The following PARD3B variants were observed in gnomAD, a reference collection of about 807,000 sequenced individuals.
PARD3B encodes the protein par-3 family cell polarity regulator beta, also known as partitioning defective 3 homolog B.
PARD3B carries 103 observed loss-of-function variants against 130.2 expected under a neutral mutation model. That is an observed-to-expected ratio of 0.79 (90% CI 0.67 to 0.93). The LOEUF (loss-of-function observed/expected upper bound fraction) is 0.93, where lower values mean the gene tolerates loss of function less well. Ranked by LOEUF, PARD3B falls within the 40% of genes least tolerant of loss-of-function variation. The pLI is 0.00. For missense variants in PARD3B, 1,609 were observed against 1,499.2 expected (o/e 1.07, Z -1.21); for synonymous variants, 583 against 553.2 (o/e 1.05, Z -0.76).
chr2:205,314,933 C>T (rs1217716738), intron 18 of PARD3B, among the ~76,000 whole-genome samples: 1 of 152,182 alleles, frequency 6.6e-6, no homozygotes, highest in Non-Finnish European at 1.5e-5. Flanking sequence ...TTCCGTCAGT[C>T]AACAATCTTG....
chr2:204,789,872 C>CTTCTTT (rs1553523207), intron 2 of PARD3B, among the ~76,000 whole-genome samples: 1 of 139,410 alleles, frequency 7.2e-6, no homozygotes, highest in African/African-American at 2.6e-5. Flanking sequence ...TAGTTTTCTT[C>CTTCTTT]TTTTTTTTTT....
Position 204,861,924 on chromosome 2 carries a change from C to CAAAAAAA in PARD3B, c.223-103207_223-103201dup, listed in dbSNP as rs60473341. Among the ~76,000 whole-genome samples the CAAAAAAA allele has an allele frequency of 2.6e-3, 87 of 34,080 alleles. 2 individuals carry two copies. The highest frequency in any genetic ancestry group is 5.9e-3 in the African/African-American group (67 of 11,384). 22.4% of individuals were successfully genotyped at this position (34,080 alleles called of 152,430 possible). On this transcript the variant is annotated intron_variant, in intron 2 of 22. Coordinates refer to ENST00000406610, the MANE Select transcript of PARD3B (RefSeq NM_001302769.2). ...AAGACATTTAAAAGAAGACATTTCTCAAAAAAAAAAAAAAAAAAAAAAAAA... is the reference window on the plus strand; with the variant it reads ...AAGACATTTAAAAGAAGACATTTCTCAAAAAAAAAAAAAAAAAAAAAAAAAAAAAAAA...
chr2:205,099,542 A>G (rs943653583), intron 4 of PARD3B, among the ~76,000 whole-genome samples: 1 of 152,234 alleles, frequency 6.6e-6, no homozygotes, highest in Non-Finnish European at 1.5e-5. Flanking sequence ...TAGTGAAGGA[A>G]AAGCTTAAGT....
intron 20 of PARD3B, among the ~76,000 whole-genome samples, chr2:205,452,476 A>T (rs1228772858): frequency 1.3e-5 from 2 of 152,202 alleles, no homozygotes; most frequent in Non-Finnish European, 2.9e-5. Context: ...GATAAATGCC[A>T]TTTCCGTAGA....
At chr2:205,245,480 TC>T in intron 15 of PARD3B, among the ~76,000 whole-genome samples, 1 of 152,148 alleles carries the variant, frequency 6.6e-6, no homozygotes, top group East Asian at 1.9e-4. Context: ...ATTTGGTTTC[TC>T]CTCTTGTAAA....
At chr2:204,763,011 C>T (rs1283687016) in intron 2 of PARD3B, among the ~76,000 whole-genome samples, 6 of 152,146 alleles carry the variant, frequency 3.9e-5, no homozygotes, top group African/African-American at 1.2e-4. Flanking sequence ...CCGCCCACCT[C>T]GGCCTCCCAA....
At chr2:205,330,022 TAAATAAATAAATA>T (rs1393765380) in intron 18 of PARD3B, among the ~76,000 whole-genome samples, 145 of 2,922 alleles carry the variant, frequency 0.05, 1 homozygote, top group African/African-American at 0.12. Context: ...AATAAATAAA[TAAATAAATAAATA>T]AAATAAAATA....
At chr2:205,087,154 C>T (rs1386832420) in intron 4 of PARD3B, among the ~76,000 whole-genome samples, 1 of 152,158 alleles carries the variant, frequency 6.6e-6, no homozygotes, top group Non-Finnish European at 1.5e-5. Context: ...AGACAGGCGT[C>T]TGAACTTAAA....
At chr2:205,343,579 A>G (rs1294260912) in intron 18 of PARD3B, among the ~76,000 whole-genome samples, 1 of 152,210 alleles carries the variant, frequency 6.6e-6, no homozygotes, top group African/African-American at 2.4e-5. Context: ...TCCAATGGTA[A>G]CTTTAGGCAA....
intron 4 of PARD3B, among the ~76,000 whole-genome samples, chr2:205,072,115 C>T (rs773359278): frequency 7.9e-5 from 12 of 151,908 alleles, no homozygotes; most frequent in South Asian, 2.1e-4. Context: ...TATAGTTTGA[C>T]GATGGTATTC....
chr2:205,082,049 G>T (rs1321961188), intron 4 of PARD3B, among the ~76,000 whole-genome samples: 1 of 152,030 alleles, frequency 6.6e-6, no homozygotes. Flanking sequence ...TTCTTCATTT[G>T]CTATAGAGCC....
Position 205,265,963 on chromosome 2 carries a change from A to G in PARD3B, c.2185+20141A>G, listed in dbSNP as rs189078543. On this transcript the variant is annotated intron_variant, in intron 16 of 22. Transcript: ENST00000406610. The surrounding 1 kb of genome is among the most constrained non-coding windows in gnomAD (Gnocchi z 4.3). Reference sequence around the variant, plus strand: ...TTGATTTTTGTTAAAAGCAGCATGCACATCCTATAAGGCATCAGTCAGAAG... The same window carrying G: ...TTGATTTTTGTTAAAAGCAGCATGCGCATCCTATAAGGCATCAGTCAGAAG... Among the ~76,000 whole-genome samples, 1 of 152,248 alleles carries G rather than the reference A, an allele frequency of 6.6e-6. No homozygotes were observed. The highest frequency in any genetic ancestry group is 6.5e-5 in the Admixed American group (1 of 15,298).
intron 4 of PARD3B, among the ~76,000 whole-genome samples, chr2:205,068,006 G>A (rs1466805579): frequency 1.3e-5 from 2 of 152,130 alleles, no homozygotes; most frequent in East Asian, 1.9e-4. Context: ...AAGAATTAAG[G>A]TTCATGCTTT....
chr2:205,476,156 A>C (rs1414727331), intron 20 of PARD3B, among the ~76,000 whole-genome samples: 3 of 152,134 alleles, frequency 2.0e-5, no homozygotes, highest in African/African-American at 7.2e-5. Flanking sequence ...GATTTATCCT[A>C]ATGGACAAGC....
chr2:204,624,725 T>A (rs2034426875), intron 1 of PARD3B, among the ~76,000 whole-genome samples: 1 of 152,048 alleles, frequency 6.6e-6, no homozygotes, highest in Non-Finnish European at 1.5e-5. Flanking sequence ...AGGACAGAAT[T>A]TTCATTTCTC....
At chr2:205,614,936 T>C (rs1360265392) in intron 22 of PARD3B, among the ~76,000 whole-genome samples, 3 of 152,102 alleles carry the variant, frequency 2.0e-5, no homozygotes, top group African/African-American at 7.2e-5. Context: ...CCTGAACATT[T>C]CTATCACCAT....
intron 16 of PARD3B, among the ~76,000 whole-genome samples, chr2:205,277,852 G>C (rs1392338071): frequency 6.6e-6 from 1 of 152,106 alleles, no homozygotes; most frequent in Non-Finnish European, 1.5e-5. Flanking sequence ...AATTTGACCA[G>C]ACAATCAAAA....
Position 204,553,558 on chromosome 2 carries a change from GTGTA to G in PARD3B, c.120+7441_120+7444del, listed in dbSNP as rs764885525. Among the ~76,000 whole-genome samples the G allele has an allele frequency of 5.5e-3, 773 of 140,790 alleles. 2 individuals are homozygous for G. The highest frequency in any genetic ancestry group is 8.1e-3 in the Non-Finnish European group (534 of 66,042). 92.4% of individuals were successfully genotyped at this position (140,790 alleles called of 152,430 possible). A position where few individuals can be genotyped will look rare whatever the true frequency, so the allele number is the denominator to read the frequency against. On this transcript the variant is annotated intron_variant, in intron 1 of 22. Transcript: ENST00000406610. Reference sequence around the variant, plus strand: ...GTGGGGTGTGTGTGTGTGTGTGTGTGTGTATATATATATATGTATATATAAGGCT... The same window carrying G: ...GTGGGGTGTGTGTGTGTGTGTGTGTGTATATATATATGTATATATAAGGCT...
At chr2:205,485,572 G>A (rs184522829) in intron 20 of PARD3B, among the ~76,000 whole-genome samples, 25 of 152,280 alleles carry the variant, frequency 1.6e-4, no homozygotes, top group African/African-American at 2.4e-4. Context: ...GAGAGCTAGC[G>A]TCTCCCAGAG....
Sources: gnomAD v4.1 joint callset for allele counts (sites outside exome capture counted in the v4.1 genomes callset) on GRCh38, gnomAD v4.1.1 for gene constraint, Gnocchi (gnomAD v3.1) non-coding constraint, MANE v1.5 for transcripts, NCBI Gene and HGNC (gene_info 2026-07-23, HGNC 2026-07-21) for gene names.